Variants in GPHN observed in about 807,000 individuals in gnomAD.
GPHN encodes gephyrin.
In GPHN, 17 loss-of-function variants were observed where a neutral mutation model predicts 95.5. The ratio of observed to expected loss-of-function variants is 0.18; its 90% CI spans 0.12 to 0.27. The LOEUF (loss-of-function observed/expected upper bound fraction) is 0.27, where lower values mean the gene tolerates loss of function less well. GPHN is among the 10% of genes least tolerant of loss of function. The probability of loss-of-function intolerance (pLI) is 1.00; values close to 1 mark genes in which losing one functional copy is unlikely to be tolerated. For synonymous variants in GPHN, 320 were observed against 322.5 expected, an observed-to-expected ratio of 0.99 and a Z score of 0.08; for missense variants, 660 against 978.1, an observed-to-expected ratio of 0.67 and a Z score of 4.34.
intron 1 of GPHN, among the ~76,000 whole-genome samples, chr14:66,680,701 C>G (rs2066885081): frequency 6.6e-6 from 1 of 152,046 alleles, no homozygotes; most frequent in Non-Finnish European, 1.5e-5. Flanking sequence ...TTAGTTTCTC[C>G]TTTCTATTTC....
the GPHN span, among the ~76,000 whole-genome samples, chr14:67,663,927 A>G: frequency 1.3e-5 from 2 of 152,162 alleles, no homozygotes; most frequent in Admixed American, 6.5e-5. Flanking sequence ...TGACTACAAA[A>G]TGAGGAAGTA....
chr14:66,937,185 G>A (rs1296992489), intron 8 of GPHN, among the ~76,000 whole-genome samples: 2 of 151,968 alleles, frequency 1.3e-5, no homozygotes, highest in African/African-American at 4.8e-5. Flanking sequence ...TGTATTTTTT[G>A]TAAAGACAGG....
the GPHN span, among the ~76,000 whole-genome samples, chr14:67,202,160 G>A: frequency 6.6e-6 from 1 of 152,180 alleles, no homozygotes; most frequent in Non-Finnish European, 1.5e-5. Flanking sequence ...TAAATTATAG[G>A]CCAGGCACAG....
chr14:67,646,849 C>T, the GPHN span: 10 of 1,380,756 alleles, frequency 7.2e-6, no homozygotes, highest in Non-Finnish European at 2.1e-6. Context: ...CAAACCCACC[C>T]TCTCCCCCAA....
At chr14:66,958,451 A>G (rs543433391) in intron 8 of GPHN, among the ~76,000 whole-genome samples, 1 of 152,328 alleles carries the variant, frequency 6.6e-6, no homozygotes, top group African/African-American at 2.4e-5. Flanking sequence ...TGAGAAATGC[A>G]TTGTTCAGTG....
At chr14:67,545,032 T>C in the GPHN span, among the ~76,000 whole-genome samples, 1 of 152,250 alleles carries the variant, frequency 6.6e-6, no homozygotes, top group African/African-American at 2.4e-5. Context: ...ATTGTTTGGC[T>C]GCTGTAAGAA....
chr14:67,420,228 C>T, the GPHN span, among the ~76,000 whole-genome samples: 3 of 152,208 alleles, frequency 2.0e-5, no homozygotes, highest in Admixed American at 2.0e-4. Flanking sequence ...TCCATCCTGG[C>T]CTCCCACCTC....
intron 9 of GPHN, among the ~76,000 whole-genome samples, chr14:66,989,853 C>G (rs1034889959): frequency 1.3e-5 from 2 of 152,014 alleles, no homozygotes; most frequent in African/African-American, 4.8e-5. Flanking sequence ...TTCTCAGAAC[C>G]ATAGACTATA....
the GPHN span, among the ~76,000 whole-genome samples, chr14:67,313,421 T>TA: frequency 6.6e-6 from 1 of 152,206 alleles, no homozygotes; most frequent in Non-Finnish European, 1.5e-5. Flanking sequence ...TGGTATAGCC[T>TA]ATTCCTCCAA....
chr14:67,360,334 G>A, the GPHN span: 5 of 397,698 alleles, frequency 1.3e-5, no homozygotes, highest in Non-Finnish European at 2.2e-5. Context: ...CCGCATGCGC[G>A]GTGGAGTGAG....
chr14:67,208,166 T>A, the GPHN span: 1 of 1,610,320 alleles, frequency 6.2e-7, no homozygotes, highest in African/African-American at 1.3e-5. Context: ...GATGCTCTTC[T>A]GTTACCTGAT....
At chr14:67,395,555 G>A in the GPHN span, 1 of 1,614,162 alleles carries the variant, frequency 6.2e-7, no homozygotes, top group Non-Finnish European at 8.5e-7. Flanking sequence ...GTACTCCGTG[G>A]ATGTTTGAGT....
the GPHN span, among the ~76,000 whole-genome samples, chr14:67,555,618 G>A: frequency 7.2e-5 from 11 of 152,256 alleles, no homozygotes; most frequent in African/African-American, 1.4e-4. Flanking sequence ...CAGCAGCCAC[G>A]GGCTCTTCAC....
At chr14:67,444,321 G>A in the GPHN span, among the ~76,000 whole-genome samples, 1 of 152,296 alleles carries the variant, frequency 6.6e-6, no homozygotes, top group South Asian at 2.1e-4. Context: ...GACCTGCTCA[G>A]ATTTTTGGAG....
chr14:67,057,797 C>A (rs1286171189), intron 10 of GPHN, among the ~76,000 whole-genome samples: 1 of 152,054 alleles, frequency 6.6e-6, no homozygotes, highest in Non-Finnish European at 1.5e-5. Context: ...TATCCCAAGT[C>A]CCTAACTGTT....
the GPHN span, among the ~76,000 whole-genome samples, chr14:67,672,345 G>A: frequency 1.1e-4 from 17 of 151,000 alleles, no homozygotes; most frequent in Non-Finnish European, 4.4e-5. Context: ...TCTCAAAATC[G>A]TTCAACACAG....
rs1436549668 is a variant in GPHN, at chr14:66,844,112, C to A, written c.294+19546C>A. ...TTCTTTGTAGTTTAGATTAAAGTAG[C>A]TTTCTGCTCTGCTCTATTTTTTCCT... On this transcript the variant is annotated intron_variant, in intron 4 of 22. Coordinates refer to ENST00000478722, the MANE Select transcript of GPHN (RefSeq NM_020806.5). Among the ~76,000 whole-genome samples the A allele has an allele frequency of 7.9e-5, 12 of 152,092 alleles. No homozygotes were observed. In the East Asian group the frequency reaches 2.3e-3, roughly 29 times the overall value.
the GPHN span, chr14:67,579,820 T>G: frequency 1.2e-6 from 2 of 1,609,796 alleles, no homozygotes; most frequent in Non-Finnish European, 1.7e-6. Context: ...CTTTGCCCTC[T>G]TCACGGACGA....
the GPHN span, chr14:67,727,222 G>T: frequency 6.3e-7 from 1 of 1,576,624 alleles, no homozygotes; most frequent in South Asian, 1.1e-5. Context: ...TAGCAAAAAT[G>T]GTCCTCAGAC....
Sources: allele counts gnomAD v4.1 joint callset (sites outside exome capture counted in the v4.1 genomes callset), GRCh38; gene constraint gnomAD v4.1.1; transcripts MANE v1.5; gene names NCBI Gene and HGNC (gene_info 2026-07-23, HGNC 2026-07-21).